CFAP74: variants seen among roughly 807,000 people sequenced by gnomAD.
CFAP74 encodes cilia and flagella associated protein 74.
A neutral mutation model predicts 188.9 loss-of-function variants in CFAP74; 124 were observed. The ratio of observed to expected loss-of-function variants is 0.66; its 90% confidence interval spans 0.57 to 0.76. CFAP74 has a LOEUF of 0.76. Among genes scored for constraint, CFAP74 ranks in the 30% least tolerant of loss-of-function variants. The probability of loss-of-function intolerance (pLI) is 0.00; values close to 1 mark genes in which losing one functional copy is unlikely to be tolerated. For synonymous variants in CFAP74, 956 were observed against 916.7 expected, an observed-to-expected ratio of 1.04 and a Z score of -0.77; for missense variants, 2,198 against 2,165.2, an observed-to-expected ratio of 1.02 and a Z score of -0.30.
At position 1,959,189 on chromosome 1, in the gene CFAP74, T is replaced by A. The variant is rs769143681; in HGVS notation, c.1782A>T (p.Gly594=). The part of the protein sequence containing the change: ...FKPMINKDLE[G]NISFLAQTGE... ...CCGTCTGAGCCAAAAATGAGATATT[T>A]CCTTCTAGATCCTTGTTTATCTAAA... Residue 594 remains glycine, a synonymous_variant, in exon 16 of 39, where the codon GGA becomes GGT. Transcript: ENST00000682832. 1.2e-4 allele frequency: 201 copies of A among 1,608,408 alleles called. No individual in the cohort carries two copies. The highest frequency in any genetic ancestry group is 1.7e-4 in the Non-Finnish European group (195 of 1,175,184).
chr1:1,973,992 G>C lies in CFAP74; in HGVS notation c.674+33C>G. On this transcript the variant is annotated intron_variant, in intron 7 of 38. Coordinates refer to ENST00000682832, the MANE Select transcript of CFAP74 (RefSeq NM_001304360.2). The surrounding 1 kb of genome is among the most constrained non-coding windows in gnomAD (Gnocchi z 6.2). ...CGGAGGGGCTGGCAGAAGCTGCTGGGAAGGGATGGAGGTGGGCCTGGGTGT... is the reference window on the plus strand; with the variant it reads ...CGGAGGGGCTGGCAGAAGCTGCTGGCAAGGGATGGAGGTGGGCCTGGGTGT... 6.7e-7 allele frequency: 1 copy of C among 1,499,868 alleles called. No individual in the cohort carries two copies. The allele number at this position is 1,499,868 out of a possible 1,614,324, so 92.9% of individuals were successfully genotyped here.
chr1:1,947,861 G>A (rs181539832), intron 18 of CFAP74, among the ~76,000 whole-genome samples: 146 of 152,182 alleles, frequency 9.6e-4, no homozygotes, highest in African/African-American at 3.3e-3. Flanking sequence ...TGTAAAGGCC[G>A]CAGGGACCCC....
At chr1:1,998,036 G>A (rs747921596) in intron 1 of CFAP74, among the ~76,000 whole-genome samples, 8 of 152,222 alleles carry the variant, frequency 5.3e-5, no homozygotes, top group Non-Finnish European at 1.5e-5. Context: ...CCAGCACTTT[G>A]GGAGGCTGAG....
intron 9 of CFAP74, 23 bp downstream of exon 9, chr1:1,971,957 T>C (rs376125269): frequency 1.7e-5 from 27 of 1,582,438 alleles, no homozygotes; most frequent in Non-Finnish European, 2.0e-5. Context: ...AGGGAGAGGC[T>C]GGGTGGGGCT....
intron 2 of CFAP74, among the ~76,000 whole-genome samples, chr1:1,990,247 T>G (rs1235254148): frequency 6.6e-6 from 1 of 152,314 alleles, no homozygotes; most frequent in Middle Eastern, 3.4e-3. Context: ...TGAAGGTCAC[T>G]ATCTCAGAAG....
intron 34 of CFAP74, 115 bp from the exon 35 acceptor site, chr1:1,924,044 C>A (rs566136917): frequency 9.1e-7 from 1 of 1,103,778 alleles, no homozygotes; most frequent in Non-Finnish European, 1.2e-6. Context: ...AGCCCCTGTC[C>A]TGCCCGGTCC....
Position 1,973,392 on chromosome 1 carries a change from G to T in CFAP74, c.675-345C>A, listed in dbSNP as rs1291597819. ...CTGGGGACCTTGTGTCTGCAGCCAG[G>T]GCCTGGATTCCACAGGGGTTTGTGG... is the stretch of plus-strand genomic sequence containing the variant. On this transcript the variant is annotated intron_variant, in intron 7 of 38. Transcript: ENST00000682832. The surrounding 1 kb of genome is among the most constrained non-coding windows in gnomAD (Gnocchi z 6.2). 6.6e-6 allele frequency among the ~76,000 whole-genome samples: 1 copy of T among 152,150 alleles called. No homozygotes were observed. Among genetic ancestry groups the T allele is most frequent in the Non-Finnish European group, 1.5e-5 (1 of 68,034 alleles).
At chr1:1,988,154 G>A (rs571612757) in intron 4 of CFAP74, 27 of 491,750 alleles carry the variant, frequency 5.5e-5, no homozygotes, top group East Asian at 3.7e-4. Context: ...TAGGAGTGAC[G>A]TATCATGTCT....
chr1:1,957,585 C>T (rs192944440), intron 16 of CFAP74, among the ~76,000 whole-genome samples: 11 of 152,288 alleles, frequency 7.2e-5, no homozygotes, highest in African/African-American at 7.2e-5. Context: ...GCTCCTGTCA[C>T]AGAGGAGCAC....
intron 4 of CFAP74, among the ~76,000 whole-genome samples, chr1:1,987,253 G>T (rs922635292): frequency 6.6e-6 from 1 of 152,230 alleles, no homozygotes; most frequent in African/African-American, 2.4e-5. Flanking sequence ...GCCCCCACCC[G>T]AAGGTGACAT....
chr1:1,940,155 CT>C (rs958119455), intron 23 of CFAP74, among the ~76,000 whole-genome samples, 160 bp downstream of exon 23: 23 of 152,240 alleles, frequency 1.5e-4, no homozygotes, highest in African/African-American at 5.1e-4. Context: ...CATGAGCACC[CT>C]CCCAGCAGGC....
In CFAP74 at chr1:1,954,892, G is replaced by A. The variant is rs1558021013; in HGVS notation, c.2176+799C>T. ...CTGTGGGAACTCACACACAGGCCAA[G>A]GGGCAGTGCAGAACGGCCTTCGCAA... is the stretch of plus-strand genomic sequence containing the variant. On this transcript the variant is annotated intron_variant, in intron 18 of 38. Transcript: ENST00000682832. 2.6e-6 allele frequency: 3 copies of A among 1,159,704 alleles called. No individual in the cohort carries two copies. The African/African-American group carries it at 5.5e-5, about 21-fold the overall frequency. 71.8% of individuals were successfully genotyped at this position (1,159,704 alleles called of 1,614,324 possible). A position where few individuals can be genotyped will look rare whatever the true frequency, so the allele number is the denominator to read the frequency against.
At chr1:1,967,864 C>G (rs1655577785) in intron 11 of CFAP74, among the ~76,000 whole-genome samples, 1 of 152,124 alleles carries the variant, frequency 6.6e-6, no homozygotes, top group South Asian at 2.1e-4. Flanking sequence ...GCAGTGGACA[C>G]CAAGCAGGCC....
intron 1 of CFAP74, among the ~76,000 whole-genome samples, chr1:1,999,649 T>C (rs1329890147): frequency 1.3e-5 from 2 of 151,678 alleles, no homozygotes; most frequent in Admixed American, 6.6e-5. Context: ...AAACCCCGTC[T>C]CTACAAAAAA....
At chr1:1,994,550 G>A (rs1385654040) in intron 1 of CFAP74, among the ~76,000 whole-genome samples, 1 of 152,178 alleles carries the variant, frequency 6.6e-6, no homozygotes, top group African/African-American at 2.4e-5. Context: ...TTTTCCACTT[G>A]AAAGAACTGA....
At chr1:1,972,625 C>A (rs1656168315) in intron 8 of CFAP74, among the ~76,000 whole-genome samples, 2 of 152,208 alleles carry the variant, frequency 1.3e-5, no homozygotes, top group South Asian at 4.1e-4. Context: ...GCGGGCAGAT[C>A]ACCTGAGGTC....
intron 6 of CFAP74, among the ~76,000 whole-genome samples, chr1:1,979,766 G>A (rs571443771): frequency 1.6e-5 from 2 of 124,044 alleles, no homozygotes; most frequent in East Asian, 2.5e-4. Flanking sequence ...CAGAACACGC[G>A]TGTGGTACTG....
At chr1:1,928,718 G>C in intron 27 of CFAP74, 66 bp downstream of exon 27, 1 of 1,237,568 alleles carries the variant, frequency 8.1e-7, no homozygotes, top group African/African-American at 1.5e-5. Context: ...ACTCGAAGGC[G>C]GTGGAGTTTG....
At chr1:1,988,818 A>AACCCCCCCC in intron 3 of CFAP74, 71 bp downstream of exon 3, 5 of 263,610 alleles carry the variant, frequency 1.9e-5, no homozygotes, top group African/African-American at 5.5e-5. Flanking sequence ...CGCTCCCTTC[A>AACCCCCCCC]CCCACCCCCC....
Sources: gnomAD v4.1 joint callset for allele counts (sites outside exome capture counted in the v4.1 genomes callset) on GRCh38, gnomAD v4.1.1 for gene constraint, Gnocchi (gnomAD v3.1) non-coding constraint, MANE v1.5 for transcripts, NCBI Gene and HGNC (gene_info 2026-07-23, HGNC 2026-07-21) for gene names.